The following ESD variants were observed in gnomAD, a reference collection of about 807,000 sequenced individuals.
The protein encoded by ESD is S-formylglutathione hydrolase.
ESD carries 34 observed loss-of-function variants against 38.1 expected under a neutral mutation model. The observed-to-expected ratio is 0.89, with a 90% CI of 0.68 to 1.19. The LOEUF (loss-of-function observed/expected upper bound fraction) is 1.19. Ranked by LOEUF, ESD falls within the 50% of genes most tolerant of loss-of-function variation. The probability of loss-of-function intolerance (pLI) is 0.00; values close to 1 mark genes in which losing one functional copy is unlikely to be tolerated. For synonymous variants in ESD, 97 were observed against 107.0 expected (o/e 0.91, Z 0.58); for missense variants, 334 against 327.2 (o/e 1.02, Z -0.16).
intron 3 of ESD, among the ~76,000 whole-genome samples, chr13:46,788,249 G>C (rs8192888): frequency 0.11 from 16,403 of 151,936 alleles, 1,217 homozygotes; most frequent in East Asian, 0.4. Flanking sequence ...CCCATCATGG[G>C]AAGTTTTCTG....
At chr13:46,791,310 A>G (rs760221628) in intron 3 of ESD, 36 bp downstream of exon 3, 2 of 1,432,302 alleles carry the variant, frequency 1.4e-6, no homozygotes, top group Non-Finnish European at 2.0e-6. Flanking sequence ...ATCCAACAGA[A>G]TGAGGTATCT....
At chr13:46,782,545 T>C (rs1875041506) in intron 6 of ESD, 122 bp downstream of exon 6, 7 of 1,015,152 alleles carry the variant, frequency 6.9e-6, no homozygotes, top group Non-Finnish European at 2.9e-6. Context: ...CTAGCAAACT[T>C]TGGAATTTTT....
rs754981057 is a variant in ESD, at chr13:46,777,618, A to G, written c.606T>C (p.Tyr202=). The change falls in exon 9 of 10, where the codon TAT becomes TAC. Residue 202 remains tyrosine, a synonymous_variant. Coordinates refer to ENST00000378720, the MANE Select transcript of ESD (RefSeq NM_001984.2). ...LGTDQSKWKA[Y]DATHLVKSYP... is the part of the protein sequence containing the mutation. ...AGGATTTCACAAGGTGGGTAGCATCATAAGCCTGTAAAAAGAGAAGTAACA... is the reference window on the plus strand; with the variant it reads ...AGGATTTCACAAGGTGGGTAGCATCGTAAGCCTGTAAAAAGAGAAGTAACA... 25 of 1,599,128 alleles carry G rather than the reference A, an allele frequency of 1.6e-5. No individual in the cohort carries two copies. In the South Asian group the frequency reaches 2.5e-4, roughly 16 times the overall value.
chr13:46,773,334 T>C (rs1874680443), intron 9 of ESD, among the ~76,000 whole-genome samples: 1 of 152,204 alleles, frequency 6.6e-6, no homozygotes, highest in Non-Finnish European at 1.5e-5. Flanking sequence ...TCTTCTACAA[T>C]GGTTAAACTA....
chr13:46,791,456 A>T, intron 2 of ESD, 36 bp from the exon 3 acceptor site: 6 of 1,503,476 alleles, frequency 4.0e-6, no homozygotes, highest in Non-Finnish European at 5.5e-6. Flanking sequence ...ATTTCCAGAG[A>T]ATTAGTTACT....
chr13:46,795,933 G>T (rs1302948320), intron 1 of ESD, among the ~76,000 whole-genome samples: 1 of 151,890 alleles, frequency 6.6e-6, no homozygotes, highest in African/African-American at 2.4e-5. Flanking sequence ...TTTTGTAGAG[G>T]AGGTTTTGCC....
chr13:46,791,691 C>T (rs1003541667), intron 2 of ESD, among the ~76,000 whole-genome samples: 1 of 151,908 alleles, frequency 6.6e-6, no homozygotes, highest in Non-Finnish European at 1.5e-5. Flanking sequence ...TGGACTGCCC[C>T]AAATTATTTT....
chr13:46,794,009 A>G (rs1007275498), intron 1 of ESD, among the ~76,000 whole-genome samples: 5 of 152,212 alleles, frequency 3.3e-5, no homozygotes, highest in Admixed American at 6.5e-5. Context: ...CTTACATAGT[A>G]TATATCATGT....
At chr13:46,793,323 C>G (rs1593412306) in intron 2 of ESD, 74 bp downstream of exon 2, 1 of 152,364 alleles carries the variant, frequency 6.6e-6, no homozygotes, top group Non-Finnish European at 1.5e-5. Flanking sequence ...AAAAATAGCA[C>G]GTTTTAAAAC....
At chr13:46,777,320 T>G (rs1798286391) in intron 9 of ESD, 136 bp downstream of exon 9, 1 of 576,228 alleles carries the variant, frequency 1.7e-6, no homozygotes, top group Non-Finnish European at 2.8e-6. Context: ...GGTTTTCACT[T>G]CAAGTGTCTG....
In ESD at chr13:46,782,696, A is replaced by C; in HGVS notation, c.352T>G (p.Tyr118Asp). The C allele has an allele frequency of 1.2e-6, 2 of 1,612,262 alleles. No homozygotes were observed. Among genetic ancestry groups the C allele is most frequent in the African/African-American group, 2.7e-5 (2 of 74,896 alleles). Residue 118 changes from tyrosine (Y) to aspartate (D), a missense_variant, in exon 6 of 10, where the codon TAC becomes GAC. By Grantham distance (160) the Tyr-to-Asp change is radical (BLOSUM62 -3). Transcript: ENST00000378720. Reference protein sequence around the residue: ...DATEDPWKTNYRMYSYVTEEL... With the variant: ...DATEDPWKTNDRMYSYVTEEL... ...TCTGTGACATAAGAGTACATTCTGTAGTTGGTTTTCCAAGGATCTTCAGTG... is the reference window on the plus strand; with the variant it reads ...TCTGTGACATAAGAGTACATTCTGTCGTTGGTTTTCCAAGGATCTTCAGTG...
intron 4 of ESD, 101 bp from the exon 5 acceptor site, chr13:46,784,451 G>A (rs1024739892): frequency 6.3e-6 from 5 of 790,846 alleles, no homozygotes; most frequent in Non-Finnish European, 6.1e-6. Flanking sequence ...GACGGACAAG[G>A]GCTGAAAAAC....
chr13:46,785,046 T>A (rs1046529943), intron 4 of ESD, among the ~76,000 whole-genome samples: 1 of 152,034 alleles, frequency 6.6e-6, no homozygotes, highest in Non-Finnish European at 1.5e-5. Context: ...ATACAGATAG[T>A]TCTCAGCAAC....
intron 6 of ESD, 30 bp downstream of exon 6, chr13:46,782,637 A>C: frequency 6.2e-7 from 1 of 1,605,906 alleles, no homozygotes. Flanking sequence ...GGCAGTCATC[A>C]ATTAATAATT....
intron 2 of ESD, among the ~76,000 whole-genome samples, chr13:46,793,068 A>G (rs1875451953): frequency 6.6e-6 from 1 of 152,134 alleles, no homozygotes; most frequent in South Asian, 2.1e-4. Flanking sequence ...TCATTTGGCC[A>G]GAAGAAACAA....
chr13:46,793,128 C>G (rs956548836), intron 2 of ESD, among the ~76,000 whole-genome samples: 4 of 151,960 alleles, frequency 2.6e-5, no homozygotes, highest in African/African-American at 2.4e-5. Flanking sequence ...AAAAACAAAG[C>G]TTTTAAAGTA....
chr13:46,785,075 C>T (rs1308185545), intron 4 of ESD, among the ~76,000 whole-genome samples: 3 of 152,012 alleles, frequency 2.0e-5, no homozygotes, highest in African/African-American at 7.2e-5. Flanking sequence ...GCTTAATCAT[C>T]TTTGTATTCT....
chr13:46,781,335 T>C (rs183841980), intron 7 of ESD, among the ~76,000 whole-genome samples, 161 bp downstream of exon 7: 217 of 151,888 alleles, frequency 1.4e-3, no homozygotes, highest in African/African-American at 5.1e-3. Flanking sequence ...GCATACACTC[T>C]ATGGTCAAAT....
chr13:46,784,893 G>C (rs1412073286), intron 4 of ESD, among the ~76,000 whole-genome samples: 1 of 151,876 alleles, frequency 6.6e-6, no homozygotes, highest in Non-Finnish European at 1.5e-5. Flanking sequence ...GTGACAATAT[G>C]GTGCATAAGC....
Sources: allele counts gnomAD v4.1 joint callset (sites outside exome capture counted in the v4.1 genomes callset), GRCh38; gene constraint gnomAD v4.1.1; transcripts MANE v1.5; gene names NCBI Gene and HGNC (gene_info 2026-07-23, HGNC 2026-07-21).